The following SETX variants were observed in gnomAD, a reference collection of about 807,000 sequenced individuals.
The protein encoded by SETX is senataxin.
In SETX, 90 loss-of-function variants were observed where a neutral mutation model predicts 227.2. That is an observed-to-expected ratio of 0.40 (90% CI 0.33 to 0.47). The LOEUF is 0.47. SETX is among the 20% of genes least tolerant of loss of function. The pLI is 0.91. For missense variants in SETX, 3,052 were observed against 3,181.5 expected (o/e 0.96, Z 0.98); for synonymous variants, 1,210 against 1,113.2 (o/e 1.09, Z -1.73).
At chr9:132,298,705 C>T (rs1844817823) in intron 12 of SETX, among the ~76,000 whole-genome samples, 1 of 152,088 alleles carries the variant, frequency 6.6e-6, no homozygotes, top group East Asian at 1.9e-4. Flanking sequence ...AGAAAATAAG[C>T]AACTGCAAAG....
intron 10 of SETX, among the ~76,000 whole-genome samples, chr9:132,322,844 C>CACTA (rs1846450202): frequency 1.5e-5 from 1 of 65,298 alleles, no homozygotes; most frequent in Non-Finnish European, 5.1e-5. Flanking sequence ...TTAAAATTAT[C>CACTA]ATAAACTTTA....
chr9:132,281,384 A>G, intron 20 of SETX, 83 bp downstream of exon 20: 1 of 920,960 alleles, frequency 1.1e-6, no homozygotes, highest in Non-Finnish European at 1.8e-6. Context: ...AGGCCAATCC[A>G]AGAAAGATGT....
Position 132,311,795 on chromosome 9 carries a change from T to G in SETX, c.5336A>C (p.Lys1779Thr). ...RENFYQLQVRKFPADYIKYWE... is the reference protein window; with the variant it reads ...RENFYQLQVRTFPADYIKYWE... ...GTATTTTATATAATCGGCAGGAAATTTTCGTACTTGCAACTGATAGAAATT... is the reference window on the plus strand; with the variant it reads ...GTATTTTATATAATCGGCAGGAAATGTTCGTACTTGCAACTGATAGAAATT... The change falls in exon 11 of 26, where the codon AAA becomes ACA. Residue 1779 changes from lysine to threonine, a missense_variant. Coordinates refer to ENST00000224140, the MANE Select transcript of SETX (RefSeq NM_015046.7). 1 of 1,613,770 alleles carries G rather than the reference T, an allele frequency of 6.2e-7. No individual in the cohort carries two copies. Among genetic ancestry groups the G allele is most frequent in the Non-Finnish European group, 8.5e-7 (1 of 1,179,910 alleles).
intron 10 of SETX, among the ~76,000 whole-genome samples, chr9:132,313,058 T>A (rs1474336292): frequency 6.6e-6 from 1 of 152,136 alleles, no homozygotes; most frequent in African/African-American, 2.4e-5. Context: ...GACGAGAGAT[T>A]AGTGTTTGAC....
intron 11 of SETX, among the ~76,000 whole-genome samples, chr9:132,311,168 T>C (rs960940760): frequency 6.6e-6 from 1 of 152,150 alleles, no homozygotes; most frequent in Non-Finnish European, 1.5e-5. Flanking sequence ...GGTTTCACCA[T>C]GTTGGCCAGG....
At chr9:132,280,301 TTTG>T (rs1843427297) in intron 20 of SETX, among the ~76,000 whole-genome samples, 1 of 152,222 alleles carries the variant, frequency 6.6e-6, no homozygotes, top group South Asian at 2.1e-4. Context: ...TTTTCTAATT[TTTG>T]TTGTTTTTAT....
At position 132,262,645 on chromosome 9, in the gene SETX, C is replaced by T. The variant is rs1202791863; in HGVS notation, c.*1594G>A. On this transcript the variant is annotated 3_prime_UTR_variant, in exon 26 of 26. Coordinates refer to ENST00000224140, the MANE Select transcript of SETX (RefSeq NM_015046.7). The stretch of plus-strand genomic sequence containing the variant: ...TGGGTTTCAGGAGTATTCAGTTGAC[C>T]GTCTGGACACCAGTGAGGGAGACAC... The T allele has an allele frequency of 6.6e-6, 1 of 152,522 alleles. No individual in the cohort carries two copies. Among genetic ancestry groups the T allele is most frequent in the Non-Finnish European group, 1.5e-5 (1 of 68,016 alleles). 9.4% of individuals were successfully genotyped at this position (152,522 alleles called of 1,614,324 possible).
chr9:132,339,705 C>G (rs1053975026), intron 5 of SETX, among the ~76,000 whole-genome samples: 1 of 152,086 alleles, frequency 6.6e-6, no homozygotes, highest in Non-Finnish European at 1.5e-5. Flanking sequence ...CCCTGCATCC[C>G]GGGTTCAAGC....
chr9:132,288,181 A>T, intron 17 of SETX, 55 bp downstream of exon 17: 1 of 1,433,762 alleles, frequency 7.0e-7, no homozygotes, highest in Non-Finnish European at 9.8e-7. Context: ...GTCTCAAAAA[A>T]AACTTGTTAA....
At chr9:132,280,085 G>A (rs1427687191) in intron 20 of SETX, among the ~76,000 whole-genome samples, 1 of 152,112 alleles carries the variant, frequency 6.6e-6, no homozygotes, top group East Asian at 1.9e-4. Flanking sequence ...CTGAATTATG[G>A]TGGCACTCAA....
intron 15 of SETX, among the ~76,000 whole-genome samples, chr9:132,290,929 AT>A (rs1844259133): frequency 1.3e-5 from 2 of 152,080 alleles, no homozygotes; most frequent in South Asian, 4.1e-4. Context: ...ATTTATTCTA[AT>A]TGGACACGTC....
Position 132,326,658 on chromosome 9 carries a change from T to C in SETX, c.4940A>G (p.Lys1647Arg). ...CGAATTCTTCATTTCACCAACTGGCTTCTGAGCTATGAGGGGAACTGGCTG... is the reference window on the plus strand; with the variant it reads ...CGAATTCTTCATTTCACCAACTGGCCTCTGAGCTATGAGGGGAACTGGCTG... The part of the protein sequence containing the change: ...VPQPVPLIAQ[K>R]PVGEMKNSCN... Residue 1647 changes from lysine to arginine, a missense_variant, in exon 10 of 26, where the codon AAG becomes AGG. Coordinates refer to ENST00000224140, the MANE Select transcript of SETX (RefSeq NM_015046.7). 6.2e-7 allele frequency: 1 copy of C among 1,614,218 alleles called. No homozygotes were observed. The highest frequency in any genetic ancestry group is 1.7e-5 in the Admixed American group (1 of 60,024).
intron 6 of SETX, 71 bp downstream of exon 6, chr9:132,336,225 A>C: frequency 2.6e-6 from 3 of 1,173,098 alleles, no homozygotes; most frequent in Middle Eastern, 2.4e-4. Flanking sequence ...CCTGGGCAAC[A>C]GAGTGAGACT....
chr9:132,330,866 A>C (rs1041951762), intron 9 of SETX, among the ~76,000 whole-genome samples, 186 bp downstream of exon 9: 1 of 152,310 alleles, frequency 6.6e-6, no homozygotes, highest in Non-Finnish European at 1.5e-5. Context: ...AAGTATGCAT[A>C]CTGTAGTTAG....
chr9:132,289,097 A>G (rs562779710), intron 15 of SETX, among the ~76,000 whole-genome samples: 1 of 152,294 alleles, frequency 6.6e-6, no homozygotes, highest in African/African-American at 2.4e-5. Flanking sequence ...AGTTGTAGAA[A>G]GCCACAAGAG....
At chr9:132,270,717 A>G (rs1036919521) in intron 24 of SETX, among the ~76,000 whole-genome samples, 3 of 152,248 alleles carry the variant, frequency 2.0e-5, no homozygotes, top group Admixed American at 2.0e-4. Context: ...TAATCACTTT[A>G]TTCTTACATT....
intron 10 of SETX, among the ~76,000 whole-genome samples, chr9:132,314,291 CA>C (rs1488837435): frequency 6.6e-6 from 1 of 152,172 alleles, no homozygotes; most frequent in Non-Finnish European, 1.5e-5. Flanking sequence ...AGAGTTTCTC[CA>C]TGGTCAGGCT....
chr9:132,265,840 G>GC (rs1322000843), intron 25 of SETX, among the ~76,000 whole-genome samples: 1 of 152,090 alleles, frequency 6.6e-6, no homozygotes, highest in Non-Finnish European at 1.5e-5. Flanking sequence ...ACTTCTGAGT[G>GC]CATGTGACTA....
Position 132,345,286 on chromosome 9 carries a change from T to A in SETX, c.388+975A>T, listed in dbSNP as rs1272661260. ...AGAATGAAAATTATTATTATTACTA[T>A]TTTTTAAGACAGAGTCTCTGTCTGT... is the stretch of plus-strand genomic sequence containing the variant. On this transcript the variant is annotated intron_variant, in intron 4 of 25. Transcript: ENST00000224140. Among the ~76,000 whole-genome samples the A allele has an allele frequency of 1.3e-5, 2 of 152,226 alleles. 1 individual carries two copies. Among genetic ancestry groups the A allele is most frequent in the Non-Finnish European group, 2.9e-5 (2 of 68,040 alleles).
Sources: gnomAD v4.1 joint callset for allele counts (sites outside exome capture counted in the v4.1 genomes callset) on GRCh38, gnomAD v4.1.1 for gene constraint, MANE v1.5 for transcripts, NCBI Gene and HGNC (gene_info 2026-07-23, HGNC 2026-07-21) for gene names.